The following TRPM3 variants were observed in gnomAD, a reference collection of about 807,000 sequenced individuals.
The protein encoded by TRPM3 is transient receptor potential cation channel subfamily M member 3, also known as long transient receptor potential channel 3.
Under a neutral mutation model 181.2 loss-of-function variants are expected in TRPM3, and 77 were observed. The observed-to-expected ratio is 0.42, with a 90% CI of 0.35 to 0.51. The LOEUF (loss-of-function observed/expected upper bound fraction) is 0.51, where lower values mean the gene tolerates loss of function less well. Ranked by LOEUF, TRPM3 falls within the 20% of genes least tolerant of loss-of-function variation. The pLI, the probability that TRPM3 is intolerant of heterozygous loss-of-function variation, is 0.01. For missense variants in TRPM3, 1,759 were observed against 2,196.7 expected (o/e 0.80, Z 3.98); for synonymous variants, 745 against 796.4 (o/e 0.94, Z 1.09).
rs996605043 is a variant in TRPM3 at position 70,782,492 on chromosome 9, A to T, written c.1148+1613T>A. 5.3e-5 allele frequency among the ~76,000 whole-genome samples: 8 copies of T among 152,296 alleles called. No individual in the cohort carries two copies. In the East Asian group the frequency reaches 1.3e-3, roughly 26 times the overall value. On this transcript the variant is annotated intron_variant, in intron 7 of 25. Coordinates refer to ENST00000677713, the MANE Select transcript of TRPM3 (RefSeq NM_001366145.2). ...CTCCCAAAGTGCTGGGATTATAGGCATGAGCCTCTGTGCCTGACCCTTGGT... is the reference window on the plus strand; with the variant it reads ...CTCCCAAAGTGCTGGGATTATAGGCTTGAGCCTCTGTGCCTGACCCTTGGT...
At chr9:71,172,995 T>C (rs909916439) in intron 1 of TRPM3, among the ~76,000 whole-genome samples, 7 of 152,178 alleles carry the variant, frequency 4.6e-5, no homozygotes, top group African/African-American at 1.4e-4. Context: ...AAAAGCCACA[T>C]AGATCTGGAA....
intron 8 of TRPM3, among the ~76,000 whole-genome samples, chr9:70,755,372 C>CTT (rs778205477): frequency 2.8e-5 from 4 of 143,092 alleles, no homozygotes; most frequent in East Asian, 2.0e-4. Context: ...ATTCAACATT[C>CTT]TTTTTTTTTT....
At chr9:70,606,651 G>GTGTGTA (rs145779027) in intron 19 of TRPM3, among the ~76,000 whole-genome samples, 4,647 of 140,610 alleles carry the variant, frequency 0.033, 101 homozygotes, top group Non-Finnish European at 0.048. Flanking sequence ...GTGTGTGTGT[G>GTGTGTA]TATATATATA....
Position 71,385,698 on chromosome 9 carries a change from T to C in TRPM3, c.183+60955A>G, listed in dbSNP as rs530427968. Among the ~76,000 whole-genome samples the C allele has an allele frequency of 2.6e-5, 4 of 152,222 alleles. No individual in the cohort carries two copies. In the East Asian group the frequency reaches 7.7e-4, roughly 29 times the overall value. ...TTATATTTAAGTGAGTCTTGGAATA[T>C]TTTATTTTATTTTTTATTCATTTTG... On this transcript the variant is annotated intron_variant, in intron 1 of 24. Coordinates refer to the TRPM3 transcript ENST00000357533.
chr9:70,946,752 A>G (rs540415543), intron 1 of TRPM3, among the ~76,000 whole-genome samples: 2 of 151,926 alleles, frequency 1.3e-5, no homozygotes, highest in African/African-American at 4.8e-5. Flanking sequence ...TGGTCCCCCA[A>G]CCAAAGTATT....
intron 1 of TRPM3, among the ~76,000 whole-genome samples, chr9:70,911,850 T>A (rs965191175): frequency 7.9e-5 from 12 of 152,184 alleles, no homozygotes; most frequent in Non-Finnish European, 1.5e-4. Context: ...ATAAGCCTCA[T>A]CATACCCAAT....
intron 22 of TRPM3, among the ~76,000 whole-genome samples, chr9:70,560,147 A>G (rs1156764121): frequency 1.3e-5 from 2 of 152,196 alleles, no homozygotes; most frequent in Non-Finnish European, 2.9e-5. Flanking sequence ...GTTCTGTAAG[A>G]AACGCATTGT....
At chr9:71,218,403 T>A (rs1368414378) in intron 1 of TRPM3, among the ~76,000 whole-genome samples, 1 of 152,222 alleles carries the variant, frequency 6.6e-6, no homozygotes, top group East Asian at 1.9e-4. Flanking sequence ...CATTTTTAGA[T>A]GAGTAAATTA....
intron 1 of TRPM3, among the ~76,000 whole-genome samples, chr9:71,362,684 T>C (rs2132735661): frequency 6.6e-6 from 1 of 152,300 alleles, no homozygotes; most frequent in Middle Eastern, 3.4e-3. Flanking sequence ...CTTCTGAACA[T>C]AAGCGATAAC....
At chr9:71,266,004 C>CT (rs2083370248) in intron 1 of TRPM3, among the ~76,000 whole-genome samples, 1 of 152,188 alleles carries the variant, frequency 6.6e-6, no homozygotes, top group South Asian at 2.1e-4. Flanking sequence ...TGTTTCCTCT[C>CT]TGGCTGGATA....
intron 10 of TRPM3, among the ~76,000 whole-genome samples, chr9:70,639,628 A>G (rs1285475845): frequency 6.6e-6 from 1 of 152,230 alleles, no homozygotes; most frequent in Non-Finnish European, 1.5e-5. Flanking sequence ...CCAAGTCAAC[A>G]GACCAAAGGC....
intron 1 of TRPM3, among the ~76,000 whole-genome samples, chr9:71,395,493 C>T (rs550781228): frequency 2.0e-5 from 3 of 152,158 alleles, no homozygotes; most frequent in Non-Finnish European, 4.4e-5. Context: ...GTTTGAGAAG[C>T]AATGACACGT....
At chr9:70,655,848 G>C (rs926596310) in intron 9 of TRPM3, among the ~76,000 whole-genome samples, 2 of 147,088 alleles carry the variant, frequency 1.4e-5, no homozygotes, top group African/African-American at 4.8e-5. Flanking sequence ...TCAAGAATTT[G>C]AAAGTCTAAG....
chr9:70,588,541 T>C (rs1175012319), intron 22 of TRPM3, among the ~76,000 whole-genome samples: 1 of 151,686 alleles, frequency 6.6e-6, no homozygotes, highest in African/African-American at 2.4e-5. Context: ...TGTGTTTGAA[T>C]GAGCAGCATT....
At chr9:71,272,444 T>C (rs1029776037) in intron 1 of TRPM3, among the ~76,000 whole-genome samples, 11 of 152,156 alleles carry the variant, frequency 7.2e-5, no homozygotes, top group Non-Finnish European at 1.5e-4. Context: ...CCTACAGAAA[T>C]ACCAGGTATT....
At chr9:70,802,284 A>G (rs1588548302) in intron 6 of TRPM3, among the ~76,000 whole-genome samples, 1 of 152,364 alleles carries the variant, frequency 6.6e-6, no homozygotes, top group South Asian at 2.1e-4. Flanking sequence ...TAAACCAGGC[A>G]TCAGCAAATT....
intron 25 of TRPM3, among the ~76,000 whole-genome samples, chr9:70,541,449 A>G (rs929608093): frequency 3.3e-5 from 5 of 152,150 alleles, no homozygotes; most frequent in South Asian, 2.1e-4. Flanking sequence ...TAAAAGAAAT[A>G]AAAAGTCCTA....
chr9:70,761,098 T>C, intron 8 of TRPM3: 1 of 241,984 alleles, frequency 4.1e-6, no homozygotes, highest in African/African-American at 2.3e-5. Flanking sequence ...GTAAGACATT[T>C]TGCTCTGATT....
At chr9:71,259,810 A>C (rs2082919304) in intron 1 of TRPM3, among the ~76,000 whole-genome samples, 1 of 152,096 alleles carries the variant, frequency 6.6e-6, no homozygotes, top group Non-Finnish European at 1.5e-5. Flanking sequence ...GAAGGTTTGC[A>C]AAAATTTTCT....
Sources: allele counts gnomAD v4.1 joint callset (sites outside exome capture counted in the v4.1 genomes callset), GRCh38; gene constraint gnomAD v4.1.1; transcripts MANE v1.5; gene names NCBI Gene and HGNC (gene_info 2026-07-23, HGNC 2026-07-21).